The following CDHR1 variants were observed in gnomAD, a reference collection of about 807,000 sequenced individuals.
CDHR1 encodes the protein cadherin-related family member 1.
In CDHR1, 61 loss-of-function variants were observed where a neutral mutation model predicts 72.1. The observed-to-expected ratio is 0.85, with a 90% CI of 0.69 to 1.05. CDHR1 has a LOEUF of 1.05. CDHR1 is among the 50% of genes least tolerant of loss of function. The pLI, the probability that CDHR1 is intolerant of heterozygous loss-of-function variation, is 0.00. For synonymous variants in CDHR1, 470 were observed against 448.1 expected, an observed-to-expected ratio of 1.05 and a Z score of -0.62; for missense variants, 1,186 against 1,115.7, an observed-to-expected ratio of 1.06 and a Z score of -0.90.
At chr10:84,212,447 G>T in intron 15 of CDHR1, 40 bp downstream of exon 15, 1 of 1,533,032 alleles carries the variant, frequency 6.5e-7, no homozygotes, top group Non-Finnish European at 9.0e-7. Flanking sequence ...AAAAGCCTGG[G>T]TCCAGCAGCT....
At position 84,215,021 on chromosome 10, in the gene CDHR1, G is replaced by A. The variant is rs1204475850; in HGVS notation, c.*400G>A. ...AGTCAAGCAGCAGGGCCCTGGCCAC[G>A]TGGAGCAACACTGACTAGAATCTGG... On this transcript the variant is annotated 3_prime_UTR_variant, in exon 17 of 17. Coordinates refer to ENST00000623527, the MANE Select transcript of CDHR1 (RefSeq NM_033100.4). The A allele has an allele frequency of 6.2e-6, 7 of 1,130,108 alleles. No homozygotes were observed. Among genetic ancestry groups the A allele is most frequent in the African/African-American group, 3.2e-5 (2 of 61,648 alleles). The allele number at this position is 1,130,108 out of a possible 1,614,324, so 70.0% of individuals were successfully genotyped here.
Position 84,214,818 on chromosome 10 carries a change from G to T in CDHR1, c.*197G>T. 1 of 1,500,732 alleles carries T rather than the reference G, an allele frequency of 6.7e-7. No homozygotes were observed. The highest frequency in any genetic ancestry group is 8.8e-7 in the Non-Finnish European group (1 of 1,135,956). 93.0% of individuals were successfully genotyped at this position (1,500,732 alleles called of 1,614,324 possible). A position where few individuals can be genotyped will look rare whatever the true frequency, so the allele number is the denominator to read the frequency against. On this transcript the variant is annotated 3_prime_UTR_variant, in exon 17 of 17. Coordinates refer to ENST00000623527, the MANE Select transcript of CDHR1 (RefSeq NM_033100.4). Reference sequence around the variant, plus strand: ...GCGCTCTGACAGGGCTCTAGTCAGGGCCTTGGGCAAGACATTGGGCTCTAG... The same window carrying T: ...GCGCTCTGACAGGGCTCTAGTCAGGTCCTTGGGCAAGACATTGGGCTCTAG...
chr10:84,196,306 C>T (rs1256049512), intron 2 of CDHR1, among the ~76,000 whole-genome samples, 199 bp from the exon 3 acceptor site: 3 of 152,194 alleles, frequency 2.0e-5, no homozygotes, highest in African/African-American at 4.8e-5. Context: ...CAACCACCCG[C>T]TGTGAAGAAT....
Position 84,215,346 on chromosome 10 carries a change from C to A in CDHR1, c.*725C>A. ...GTCTCCAGCCAGGACTGCCCTGAGCCGCAAAATGTCAAAGCTGGAGCTATA... is the reference window on the plus strand; with the variant it reads ...GTCTCCAGCCAGGACTGCCCTGAGCAGCAAAATGTCAAAGCTGGAGCTATA... On this transcript the variant is annotated 3_prime_UTR_variant, in exon 17 of 17. Transcript: ENST00000623527. 1 of 985,720 alleles carries A rather than the reference C, an allele frequency of 1.0e-6. No homozygotes were observed. The highest frequency in any genetic ancestry group is 1.2e-6 in the Non-Finnish European group (1 of 830,226). The allele number at this position is 985,720 out of a possible 1,614,324, so 61.1% of individuals were successfully genotyped here. A position where few individuals can be genotyped will look rare whatever the true frequency, so the allele number is the denominator to read the frequency against.
chr10:84,200,727 G>A (rs373706364), intron 6 of CDHR1, 40 bp downstream of exon 6: 26 of 1,471,790 alleles, frequency 1.8e-5, no homozygotes, highest in African/African-American at 5.6e-5. Flanking sequence ...GGGCTGGGCC[G>A]GAGGGGACAC....
chr10:84,197,604 G>T (rs1411718093), intron 3 of CDHR1, among the ~76,000 whole-genome samples, 182 bp from the exon 4 acceptor site: 1 of 152,088 alleles, frequency 6.6e-6, no homozygotes, highest in Non-Finnish European at 1.5e-5. Context: ...TCAAGCATGG[G>T]GGGAGGCAGC....
chr10:84,196,911 C>G (rs1021895070), intron 3 of CDHR1, among the ~76,000 whole-genome samples: 7 of 152,194 alleles, frequency 4.6e-5, no homozygotes, highest in Non-Finnish European at 8.8e-5. Context: ...ATCTTTTAAG[C>G]ATGTTCCATT....
At chr10:84,218,838 C>T, downstream of CDHR1, 1 of 919,328 alleles carries the variant, frequency 1.1e-6, no homozygotes, top group Middle Eastern at 4.0e-4. Context: ...CCAAATGGCC[C>T]TATGTGCTGA....
chr10:84,206,889 G>T (rs745857415), intron 10 of CDHR1, among the ~76,000 whole-genome samples: 6 of 152,220 alleles, frequency 3.9e-5, no homozygotes, highest in Non-Finnish European at 7.3e-5. Context: ...CTGAGGGTAG[G>T]TGGGATGGAA....
At chr10:84,195,189 C>T (rs1382531547) in intron 1 of CDHR1, among the ~76,000 whole-genome samples, 1 of 152,190 alleles carries the variant, frequency 6.6e-6, no homozygotes, top group Non-Finnish European at 1.5e-5. Flanking sequence ...GGGGCACTGC[C>T]CCTCTCCGAG....
chr10:84,207,678 A>T (rs74145751), intron 10 of CDHR1, among the ~76,000 whole-genome samples: 3,885 of 152,226 alleles, frequency 0.026, 158 homozygotes, highest in African/African-American at 0.087. Flanking sequence ...ATACACATTC[A>T]TATCTCATAG....
intron 14 of CDHR1, 122 bp downstream of exon 14, chr10:84,211,837 G>C: frequency 1.1e-6 from 1 of 885,866 alleles, no homozygotes; most frequent in Non-Finnish European, 1.9e-6. Flanking sequence ...GTGAAGAGAA[G>C]TGGAGAGAGG....
chr10:84,207,105 TG>T (rs1216775837), intron 10 of CDHR1, among the ~76,000 whole-genome samples: 2 of 152,224 alleles, frequency 1.3e-5, no homozygotes, highest in East Asian at 3.9e-4. Context: ...CATCAAAACT[TG>T]GGCATACAGG....
At position 84,208,423 on chromosome 10, in the gene CDHR1, A is replaced by G. The variant is rs1352385830; in HGVS notation, c.1167+46A>G. On this transcript the variant is annotated intron_variant, in intron 11 of 16. Coordinates refer to ENST00000623527, the MANE Select transcript of CDHR1 (RefSeq NM_033100.4). ...CTCTGCCTTCTCACAAACGGTATGA[A>G]GCCAAGGTCCCAAAGCTAAGTGGGT... The G allele has an allele frequency of 1.9e-6, 3 of 1,599,268 alleles. No individual in the cohort carries two copies. The Admixed American group carries it at 5.0e-5, about 27-fold the overall frequency.
chr10:84,212,301 T>C lies in CDHR1; in HGVS notation c.1676T>C (p.Val559Ala), dbSNP rs749617685. ...KAEDMEGKYS[V>A]AEVFITLLDV... Reference sequence around the variant, plus strand: ...GAGGACATGGAAGGCAAGTACAGCGTAGCTGAGGTGTTTATCACACTGCTG... The same window carrying C: ...GAGGACATGGAAGGCAAGTACAGCGCAGCTGAGGTGTTTATCACACTGCTG... The change falls in exon 15 of 17, where the codon GTA (valine) becomes GCA (alanine). Residue 559 changes from valine (V) to alanine (A), a missense_variant. Transcript: ENST00000623527. 1.9e-6 allele frequency: 3 copies of C among 1,614,232 alleles called. No homozygotes were observed. In the South Asian group the frequency reaches 3.3e-5, roughly 18 times the overall value.
chr10:84,208,347 C>T lies in CDHR1; in HGVS notation c.1137C>T (p.Gly379=), dbSNP rs962242734. ...EHPPQGEILR[G]LKITVNDSDQ... ...CACCCCAGGGAGAGATCCTGCGGGG[C>T]CTCAAGATCACCGTCAATGACTCCG... The change falls in exon 11 of 17, where the codon GGC becomes GGT. Residue 379 remains glycine, a synonymous_variant. Coordinates refer to ENST00000623527, the MANE Select transcript of CDHR1 (RefSeq NM_033100.4). 6.2e-7 allele frequency: 1 copy of T among 1,614,150 alleles called. No homozygotes were observed. The highest frequency in any genetic ancestry group is 1.1e-5 in the South Asian group (1 of 91,080).
At position 84,213,137 on chromosome 10, in the gene CDHR1, C is replaced by G; in HGVS notation, c.1829C>G (p.Ser610Cys). 1.9e-6 allele frequency: 3 copies of G among 1,614,230 alleles called. No homozygotes were observed. In the South Asian group the frequency reaches 3.3e-5, roughly 18 times the overall value. ...AEEPNNLVDY[S>C]ITHAEPANVF... ...GAACCCAACAACCTGGTGGACTATT[C>G]CATCACCCATGCAGAGCCCGCCAAC... is the stretch of plus-strand genomic sequence containing the variant. Residue 610 changes from serine to cysteine, a missense_variant, in exon 16 of 17, where the codon TCC (serine) becomes TGC (cysteine). By Grantham distance (112) the Ser-to-Cys change is moderately radical. Coordinates refer to ENST00000623527, the MANE Select transcript of CDHR1 (RefSeq NM_033100.4).
chr10:84,206,754 C>G (rs112842046), intron 10 of CDHR1, among the ~76,000 whole-genome samples: 1 of 152,156 alleles, frequency 6.6e-6, no homozygotes, highest in Non-Finnish European at 1.5e-5. Flanking sequence ...ATTATAAGCA[C>G]CCAGGTAATT....
rs564681907 is a variant in CDHR1, at chr10:84,217,293, G to A, written c.*2672G>A. Reference sequence around the variant, plus strand: ...AGCTGGGAGGCAGGAATGGCACACTGGGCAGGCTTGCCCATTCCTGGCCCT... The same window carrying A: ...AGCTGGGAGGCAGGAATGGCACACTAGGCAGGCTTGCCCATTCCTGGCCCT... On this transcript the variant is annotated 3_prime_UTR_variant, in exon 17 of 17. Coordinates refer to ENST00000623527, the MANE Select transcript of CDHR1 (RefSeq NM_033100.4). The A allele has an allele frequency of 1.0e-6, 1 of 985,490 alleles. No individual in the cohort carries two copies. Among genetic ancestry groups the A allele is most frequent in the South Asian group, 4.7e-5 (1 of 21,282 alleles). 61.0% of individuals were successfully genotyped at this position (985,490 alleles called of 1,614,324 possible).
Sources: allele counts gnomAD v4.1 joint callset (sites outside exome capture counted in the v4.1 genomes callset), GRCh38; gene constraint gnomAD v4.1.1; transcripts MANE v1.5; gene names NCBI Gene and HGNC (gene_info 2026-07-23, HGNC 2026-07-21).